Variants in DLGAP2 observed in about 807,000 individuals in gnomAD.
The protein encoded by DLGAP2 is disks large-associated protein 2.
In DLGAP2, 26 loss-of-function variants were observed where a neutral mutation model predicts 100.3. The observed-to-expected ratio is 0.26, with a 90% CI of 0.19 to 0.36. The LOEUF (loss-of-function observed/expected upper bound fraction) is 0.36, where lower values mean the gene tolerates loss of function less well. DLGAP2 is among the 10% of genes least tolerant of loss of function. The pLI is 1.00. For synonymous variants in DLGAP2, 886 were observed against 630.1 expected, an observed-to-expected ratio of 1.41 and a Z score of -6.08; for missense variants, 1,858 against 1,453.2, an observed-to-expected ratio of 1.28 and a Z score of -4.53.
intron 4 of DLGAP2, among the ~76,000 whole-genome samples, chr8:1,526,698 G>T (rs1305751145): frequency 1.3e-5 from 2 of 152,194 alleles, no homozygotes; most frequent in African/African-American, 4.8e-5. Flanking sequence ...GTTGCAAGGA[G>T]GTTGCCAGGT....
At chr8:1,463,078 A>G (rs1396123091) in intron 3 of DLGAP2, among the ~76,000 whole-genome samples, 2 of 152,074 alleles carry the variant, frequency 1.3e-5, no homozygotes, top group Non-Finnish European at 2.9e-5. Flanking sequence ...GTGAGCCCCC[A>G]TCTCTACTAA....
intron 1 of DLGAP2, among the ~76,000 whole-genome samples, chr8:859,117 T>C (rs1188727875): frequency 6.7e-6 from 1 of 149,104 alleles, no homozygotes; most frequent in East Asian, 2.0e-4. Context: ...TAGTCTTCTT[T>C]TTTTTTTTTT....
At chr8:1,535,754 A>G (rs1255689348) in intron 4 of DLGAP2, among the ~76,000 whole-genome samples, 2 of 152,216 alleles carry the variant, frequency 1.3e-5, no homozygotes, top group African/African-American at 4.8e-5. Flanking sequence ...GAATTCTCAC[A>G]TATCTCCACT....
intron 2 of DLGAP2, among the ~76,000 whole-genome samples, chr8:1,159,665 C>G (rs1335205402): frequency 6.6e-6 from 1 of 152,180 alleles, no homozygotes; most frequent in Non-Finnish European, 1.5e-5. Flanking sequence ...TATTGGGATA[C>G]TTTGGTTATT....
chr8:1,025,057 C>T (rs1386250311), intron 2 of DLGAP2, among the ~76,000 whole-genome samples: 3 of 151,968 alleles, frequency 2.0e-5, no homozygotes, highest in African/African-American at 7.3e-5. Context: ...CATATGCGTG[C>T]ATGTGCATGT....
intron 4 of DLGAP2, among the ~76,000 whole-genome samples, chr8:1,525,923 C>T (rs765884569): frequency 1.3e-5 from 2 of 152,012 alleles, no homozygotes; most frequent in Non-Finnish European, 2.9e-5. Flanking sequence ...GGCTAAGTAT[C>T]CCTCTTCTGA....
chr8:1,591,635 A>G (rs985222880), intron 6 of DLGAP2, among the ~76,000 whole-genome samples: 6 of 152,022 alleles, frequency 3.9e-5, no homozygotes, highest in Non-Finnish European at 7.4e-5. Context: ...GATACTTGTC[A>G]CACATCTACT....
chr8:1,184,913 GC>G (rs1797466811), intron 2 of DLGAP2, among the ~76,000 whole-genome samples: 1 of 152,174 alleles, frequency 6.6e-6, no homozygotes, highest in South Asian at 2.1e-4. Flanking sequence ...TGACTCACTT[GC>G]CCCAAATCAT....
At chr8:1,320,418 C>T (rs1800868317) in intron 3 of DLGAP2, among the ~76,000 whole-genome samples, 1 of 151,962 alleles carries the variant, frequency 6.6e-6, no homozygotes, top group African/African-American at 2.4e-5. Flanking sequence ...GGACGGGACA[C>T]AGTGAAAAAG....
intron 2 of DLGAP2, among the ~76,000 whole-genome samples, chr8:965,566 C>T (rs1799840511): frequency 6.8e-6 from 1 of 147,412 alleles, no homozygotes; most frequent in Non-Finnish European, 1.5e-5. Context: ...TGAGCCCAAC[C>T]CCCGCGTGCA....
intron 2 of DLGAP2, among the ~76,000 whole-genome samples, chr8:1,016,596 G>GTA (rs1405221747): frequency 2.1e-3 from 1 of 484 alleles, no homozygotes; most frequent in East Asian, 2.8e-3. Flanking sequence ...TCCACTGTGT[G>GTA]TGACCAGGAC....
intron 8 of DLGAP2, among the ~76,000 whole-genome samples, chr8:1,644,929 A>C (rs1435400392): frequency 6.6e-6 from 1 of 152,218 alleles, no homozygotes; most frequent in Non-Finnish European, 1.5e-5. Flanking sequence ...TAGGGAAAAA[A>C]AACTAGAGTG....
chr8:1,089,339 T>C (rs775567884), intron 2 of DLGAP2, among the ~76,000 whole-genome samples: 26 of 152,236 alleles, frequency 1.7e-4, no homozygotes, highest in South Asian at 2.1e-4. Context: ...AAAACAAATG[T>C]CTTACTTTCC....
At chr8:908,001 A>G in intron 2 of DLGAP2, 35 bp downstream of exon 2, 3 of 398,926 alleles carry the variant, frequency 7.5e-6, no homozygotes, top group Non-Finnish European at 1.3e-5. Flanking sequence ...TTGGGATTAT[A>G]TGTTTCGTAT....
chr8:1,322,672 G>T (rs770480711), intron 3 of DLGAP2, among the ~76,000 whole-genome samples: 8 of 151,998 alleles, frequency 5.3e-5, no homozygotes, highest in African/African-American at 1.5e-4. Flanking sequence ...CCCACCCATC[G>T]TGCTGCGTCC....
chr8:1,407,329 T>C (rs367703883), intron 3 of DLGAP2, among the ~76,000 whole-genome samples: 13 of 52,448 alleles, frequency 2.5e-4, no homozygotes, highest in Admixed American at 3.6e-4. Flanking sequence ...GCTCCCTCCT[T>C]GTCCTCCAGA....
intron 2 of DLGAP2, among the ~76,000 whole-genome samples, chr8:1,121,490 C>G (rs532185190): frequency 6.6e-6 from 1 of 152,032 alleles, no homozygotes; most frequent in Non-Finnish European, 1.5e-5. Flanking sequence ...AACCCATGAC[C>G]TCCCATCCTT....
chr8:967,872 A>G (rs1219990327), intron 2 of DLGAP2, among the ~76,000 whole-genome samples: 2 of 84,036 alleles, frequency 2.4e-5, no homozygotes, highest in Admixed American at 1.3e-4. Context: ...ATATATATAT[A>G]TAAATACTTT....
chr8:1,003,459 A>T (rs1261368758), intron 2 of DLGAP2, among the ~76,000 whole-genome samples: 1 of 152,210 alleles, frequency 6.6e-6, no homozygotes, highest in Non-Finnish European at 1.5e-5. Context: ...CCATGGGTGG[A>T]TGGAATATTT....
Sources: allele counts gnomAD v4.1 joint callset (sites outside exome capture counted in the v4.1 genomes callset), GRCh38; gene constraint gnomAD v4.1.1; transcripts MANE v1.5; gene names NCBI Gene and HGNC (gene_info 2026-07-23, HGNC 2026-07-21).